Variants in FHOD3 observed in about 807,000 individuals in gnomAD.
The protein encoded by FHOD3 is formin homology 2 domain containing 3, also known as FH1/FH2 domain-containing protein 3.
FHOD3 carries 90 observed loss-of-function variants against 173.0 expected under a neutral mutation model. The observed-to-expected ratio is 0.52, with a 90% CI of 0.44 to 0.62. FHOD3 has a LOEUF of 0.62. Among genes scored for constraint, FHOD3 ranks in the 20% least tolerant of loss-of-function variants. The probability of loss-of-function intolerance (pLI) is 0.00; values close to 1 mark genes in which losing one functional copy is unlikely to be tolerated. For synonymous variants in FHOD3, 828 were observed against 823.0 expected (o/e 1.01, Z -0.10); for missense variants, 1,945 against 2,034.7 (o/e 0.96, Z 0.85).
At chr18:36,730,497 CTG>C in intron 19 of FHOD3, 147 bp from the exon 20 acceptor site, 1 of 673,234 alleles carries the variant, frequency 1.5e-6, no homozygotes, top group South Asian at 2.7e-5. Flanking sequence ...CTGATACTTT[CTG>C]TGCTGAACAG....
intron 1 of FHOD3, among the ~76,000 whole-genome samples, chr18:36,325,230 T>C (rs73949431): frequency 0.054 from 8,232 of 152,136 alleles, 470 homozygotes; most frequent in African/African-American, 0.14. Context: ...GCAAGCAGAA[T>C]ATTTCCTTAT....
chr18:36,603,651 G>T (rs564925478), intron 8 of FHOD3, among the ~76,000 whole-genome samples: 2 of 152,022 alleles, frequency 1.3e-5, no homozygotes, highest in South Asian at 4.2e-4. Flanking sequence ...TTACAGGCAC[G>T]TGCCACCATG....
chr18:36,739,528 G>T (rs905577608), intron 20 of FHOD3, among the ~76,000 whole-genome samples: 106 of 152,286 alleles, frequency 7.0e-4, no homozygotes, highest in African/African-American at 2.5e-3. Context: ...GATTGGAATT[G>T]AATTAAATCT....
At chr18:36,646,739 TAGA>T (rs987516882) in intron 10 of FHOD3, among the ~76,000 whole-genome samples, 5 of 152,170 alleles carry the variant, frequency 3.3e-5, no homozygotes, top group Non-Finnish European at 7.3e-5. Flanking sequence ...ATGAAGCTTT[TAGA>T]AGGACACAGA....
chr18:36,628,379 C>A (rs769979283), intron 10 of FHOD3, among the ~76,000 whole-genome samples: 11 of 152,074 alleles, frequency 7.2e-5, no homozygotes, highest in Non-Finnish European at 1.6e-4. Context: ...ATTCTTCAAG[C>A]GAGATGATTA....
chr18:36,390,759 A>C (rs1047292330), intron 3 of FHOD3, among the ~76,000 whole-genome samples: 2 of 152,108 alleles, frequency 1.3e-5, no homozygotes, highest in Non-Finnish European at 1.5e-5. Flanking sequence ...CACACTTAAC[A>C]CATGATGATG....
chr18:36,341,971 G>A (rs1339891183), intron 1 of FHOD3, among the ~76,000 whole-genome samples: 2 of 152,138 alleles, frequency 1.3e-5, no homozygotes, highest in Non-Finnish European at 2.9e-5. Flanking sequence ...TGAAACAATT[G>A]TGATAAATAC....
intron 27 of FHOD3, among the ~76,000 whole-genome samples, chr18:36,765,771 A>C (rs2043112856): frequency 6.6e-6 from 1 of 152,192 alleles, no homozygotes; most frequent in African/African-American, 2.4e-5. Context: ...TTAATAGAAA[A>C]TGTATAAACA....
chr18:36,431,665 G>A (rs1452460738), intron 3 of FHOD3, among the ~76,000 whole-genome samples: 1 of 152,108 alleles, frequency 6.6e-6, no homozygotes, highest in African/African-American at 2.4e-5. Flanking sequence ...TGTACATTTT[G>A]TTGTAATTTT....
chr18:36,765,430 A>AT (rs2043101126), intron 27 of FHOD3, among the ~76,000 whole-genome samples: 1 of 152,220 alleles, frequency 6.6e-6, no homozygotes, highest in South Asian at 2.1e-4. Context: ...GTCCAGTGTA[A>AT]TAAAAATTAC....
intron 5 of FHOD3, among the ~76,000 whole-genome samples, chr18:36,533,102 G>A (rs1473046686): frequency 6.6e-6 from 1 of 152,210 alleles, no homozygotes; most frequent in East Asian, 1.9e-4. Flanking sequence ...GTCTACTGGA[G>A]CTTCAACACA....
intron 6 of FHOD3, among the ~76,000 whole-genome samples, chr18:36,586,075 G>C (rs1363022234): frequency 6.6e-6 from 1 of 152,116 alleles, no homozygotes; most frequent in Non-Finnish European, 1.5e-5. Flanking sequence ...GCCAAACCTG[G>C]GTTTTAGCTG....
intron 3 of FHOD3, among the ~76,000 whole-genome samples, chr18:36,439,668 G>A (rs957027586): frequency 2.0e-5 from 3 of 151,986 alleles, no homozygotes; most frequent in African/African-American, 7.3e-5. Flanking sequence ...GAAAGCCAGT[G>A]GTGTCATTGA....
intron 2 of FHOD3, among the ~76,000 whole-genome samples, chr18:36,366,066 C>A (rs1174499773): frequency 6.6e-6 from 1 of 152,182 alleles, no homozygotes; most frequent in Non-Finnish European, 1.5e-5. Context: ...ATGACTCATT[C>A]CTCAGAGGCT....
intron 3 of FHOD3, among the ~76,000 whole-genome samples, chr18:36,416,174 A>G (rs2049635031): frequency 6.6e-6 from 1 of 152,120 alleles, no homozygotes; most frequent in Admixed American, 6.5e-5. Context: ...CTGGGACTAT[A>G]GGCGTGCACC....
Position 36,333,299 on chromosome 18 carries a change from C to T in FHOD3, c.166-22240C>T, listed in dbSNP as rs140897952. On this transcript the variant is annotated intron_variant, in intron 1 of 28. Transcript: ENST00000590592. ...GAGGATGGCTGTCAGGTAAAGACAGCTGCTGCTGGCTACCTTTGTCTTGGA... is the reference window on the plus strand; with the variant it reads ...GAGGATGGCTGTCAGGTAAAGACAGTTGCTGCTGGCTACCTTTGTCTTGGA... 1.4e-4 allele frequency among the ~76,000 whole-genome samples: 22 copies of T among 152,334 alleles called. No individual in the cohort carries two copies. The East Asian group carries it at 4.0e-3, about 28-fold the overall frequency.
chr18:36,434,135 T>C (rs1252002090), intron 3 of FHOD3, among the ~76,000 whole-genome samples: 1 of 152,206 alleles, frequency 6.6e-6, no homozygotes, highest in Non-Finnish European at 1.5e-5. Flanking sequence ...TTTTATGTTA[T>C]ATTATGTTTT....
intron 7 of FHOD3, 77 bp from the exon 8 acceptor site, chr18:36,602,597 G>C (rs1395912038): frequency 2.7e-6 from 3 of 1,091,510 alleles, no homozygotes; most frequent in Non-Finnish European, 4.3e-6. Context: ...TACGTCCTTG[G>C]ATAATAAACT....
chr18:36,401,256 G>A (rs1392728586), intron 3 of FHOD3, among the ~76,000 whole-genome samples: 3 of 152,120 alleles, frequency 2.0e-5, no homozygotes, highest in African/African-American at 7.2e-5. Context: ...GCCCAAGGAA[G>A]CTTGTTAACC....
Sources: gnomAD v4.1 joint callset for allele counts (sites outside exome capture counted in the v4.1 genomes callset) on GRCh38, gnomAD v4.1.1 for gene constraint, MANE v1.5 for transcripts, NCBI Gene and HGNC (gene_info 2026-07-23, HGNC 2026-07-21) for gene names.